ARHGEF10: variants seen among roughly 807,000 people sequenced by gnomAD.
The protein encoded by ARHGEF10 is Rho guanine nucleotide exchange factor 10.
In ARHGEF10, 140 loss-of-function variants were observed where a neutral mutation model predicts 147.4. The ratio of observed to expected loss-of-function variants is 0.95; its 90% CI spans 0.83 to 1.09. The LOEUF (loss-of-function observed/expected upper bound fraction) is 1.09, where lower values mean the gene tolerates loss of function less well. Among genes scored for constraint, ARHGEF10 ranks in the 50% least tolerant of loss-of-function variants. ARHGEF10 has a pLI of 0.00. For missense variants in ARHGEF10, 2,222 were observed against 1,752.7 expected, an observed-to-expected ratio of 1.27 and a Z score of -4.78; for synonymous variants, 902 against 695.8, an observed-to-expected ratio of 1.30 and a Z score of -4.67.
intron 26 of ARHGEF10, among the ~76,000 whole-genome samples, chr8:1,944,957 T>C (rs889960039): frequency 1.3e-5 from 2 of 152,246 alleles, no homozygotes; most frequent in Non-Finnish European, 2.9e-5. Context: ...GGATGCACTT[T>C]CGGAGCTGCG....
intron 7 of ARHGEF10, among the ~76,000 whole-genome samples, chr8:1,873,153 G>A (rs1340691324): frequency 6.6e-6 from 1 of 152,090 alleles, no homozygotes; most frequent in Non-Finnish European, 1.5e-5. Context: ...TAGCGGTGGT[G>A]GGGCAGGGAG....
chr8:1,915,360 C>G (rs919297332), intron 18 of ARHGEF10, among the ~76,000 whole-genome samples: 1 of 152,210 alleles, frequency 6.6e-6, no homozygotes, highest in Non-Finnish European at 1.5e-5. Context: ...ATGAGTTATT[C>G]TACTTTTCTA....
intron 13 of ARHGEF10, 112 bp downstream of exon 13, chr8:1,894,684 A>T (rs1479374260): frequency 8.0e-7 from 1 of 1,251,462 alleles, no homozygotes; most frequent in Non-Finnish European, 1.2e-6. Flanking sequence ...ACAAGTGTGC[A>T]GTTCTCTCTA....
chr8:1,945,357 G>T (rs1360567964), intron 26 of ARHGEF10, 124 bp from the exon 27 acceptor site: 2 of 1,210,158 alleles, frequency 1.7e-6, no homozygotes, highest in South Asian at 1.3e-5. Context: ...CTGTGATTTG[G>T]AGCAAAGCCT....
intron 12 of ARHGEF10, 91 bp from the exon 13 acceptor site, chr8:1,894,300 TGA>T (rs1365605350): frequency 3.0e-6 from 4 of 1,350,444 alleles, no homozygotes; most frequent in Non-Finnish European, 4.2e-6. Context: ...CAGTGAGCCA[TGA>T]TCGCACCACT....
At chr8:1,878,409 A>G (rs568855012) in intron 8 of ARHGEF10, among the ~76,000 whole-genome samples, 1 of 151,500 alleles carries the variant, frequency 6.6e-6, no homozygotes, top group Admixed American at 6.6e-5. Flanking sequence ...CTGGTCTCGA[A>G]CTCCTGACCT....
intron 7 of ARHGEF10, among the ~76,000 whole-genome samples, chr8:1,873,872 T>C (rs1277968489): frequency 6.6e-6 from 1 of 151,992 alleles, no homozygotes; most frequent in African/African-American, 2.4e-5. Flanking sequence ...TTCTTTTTTT[T>C]TTATTGTGTC....
intron 10 of ARHGEF10, among the ~76,000 whole-genome samples, chr8:1,884,689 C>T (rs1808505717): frequency 6.6e-6 from 1 of 152,164 alleles, no homozygotes; most frequent in South Asian, 2.1e-4. Context: ...TCTAAAAGTG[C>T]CTGTGCTTTT....
chr8:1,847,236 C>G (rs1225997363), intron 2 of ARHGEF10, among the ~76,000 whole-genome samples: 2 of 152,150 alleles, frequency 1.3e-5, no homozygotes, highest in African/African-American at 4.8e-5. Context: ...CCTAAGCAGC[C>G]TTCAATTTCT....
chr8:1,955,123 GAGGTGCACTCTCACTGTTCCTCTGGAGGA>G, intron 28 of ARHGEF10, among the ~76,000 whole-genome samples: 1 of 124,576 alleles, frequency 8.0e-6, no homozygotes, highest in Non-Finnish European at 1.6e-5. Context: ...TCCCTGAAAG[GAGGTGCACTCTCACTGTTCCTCTGGAGGA>G]TAGCCAGGTG....
chr8:1,864,259 G>T, intron 4 of ARHGEF10, 114 bp from the exon 5 acceptor site: 1 of 1,055,148 alleles, frequency 9.5e-7, no homozygotes, highest in Non-Finnish European at 1.5e-6. Flanking sequence ...CTTATGCTAA[G>T]ATAAGCCTCT....
At chr8:1,920,499 T>A (rs1415561398) in intron 18 of ARHGEF10, among the ~76,000 whole-genome samples, 4 of 78,828 alleles carry the variant, frequency 5.1e-5, no homozygotes, top group Non-Finnish European at 8.0e-5. Context: ...ATTTTTTTTT[T>A]AAACTCTATG....
chr8:1,855,963 T>C (rs1013618396), intron 2 of ARHGEF10, among the ~76,000 whole-genome samples: 1 of 152,082 alleles, frequency 6.6e-6, no homozygotes, highest in African/African-American at 2.4e-5. Context: ...TACGGTCGCT[T>C]GGGAGACAGT....
In ARHGEF10 at chr8:1,891,787, C is replaced by A. The variant is rs183221874; in HGVS notation, c.1183-1782C>A. ...ACCCCTTAGTGGGCATATAATTTGA[C>A]GTGTCAGATTGAGCTGCCAGAAAGA... On this transcript the variant is annotated intron_variant, in intron 11 of 28. Coordinates refer to ENST00000349830, the MANE Select transcript of ARHGEF10 (RefSeq NM_014629.4). 1.2e-4 allele frequency among the ~76,000 whole-genome samples: 19 copies of A among 152,160 alleles called. No individual in the cohort carries two copies. The South Asian group carries it at 4.0e-3, about 32-fold the overall frequency.
intron 1 of ARHGEF10, among the ~76,000 whole-genome samples, chr8:1,826,393 C>T (rs1042170480): frequency 4.7e-5 from 7 of 149,656 alleles, no homozygotes; most frequent in East Asian, 2.0e-4. Context: ...TTTGTGTGTG[C>T]GTGTGTTTGT....
At chr8:1,843,224 C>T in intron 1 of ARHGEF10, 129 bp from the exon 2 acceptor site, 1 of 694,484 alleles carries the variant, frequency 1.4e-6, no homozygotes, top group Non-Finnish European at 2.6e-6. Flanking sequence ...GGTGGTGAGT[C>T]TTCTAATTAT....
chr8:1,832,232 T>C lies in ARHGEF10; in HGVS notation c.-48+8119T>C, dbSNP rs1422471383. Reference sequence around the variant, plus strand: ...GAGCGTCCGTAGATGCCCGGAGGAGTTGCGGTGGGCGGGGGGCGCGTTGTG... The same window carrying C: ...GAGCGTCCGTAGATGCCCGGAGGAGCTGCGGTGGGCGGGGGGCGCGTTGTG... On this transcript the variant is annotated intron_variant, in intron 1 of 28. Transcript: ENST00000349830. Among the ~76,000 whole-genome samples, 5 of 45,952 alleles carry C rather than the reference T, an allele frequency of 1.1e-4. No individual in the cohort carries two copies. In the African/African-American group the frequency reaches 1.4e-3, roughly 13 times the overall value. The allele number at this position is 45,952 out of a possible 152,430, so 30.1% of individuals were successfully genotyped here.
rs1202275128 is a variant in ARHGEF10, at chr8:1,833,771, T to A, written c.-47-9582T>A. Among the ~76,000 whole-genome samples, 3 of 152,326 alleles carry A rather than the reference T, an allele frequency of 2.0e-5. No homozygotes were observed. The South Asian group carries it at 6.2e-4, about 32-fold the overall frequency. ...CAGATCCCGGCCCCACTGCCTTCTT[T>A]AGGAAGCCCTCCTGGCCGCTGACCC... On this transcript the variant is annotated intron_variant, in intron 1 of 28. Coordinates refer to ENST00000349830, the MANE Select transcript of ARHGEF10 (RefSeq NM_014629.4).
chr8:1,875,545 T>C (rs1038299909), intron 7 of ARHGEF10, among the ~76,000 whole-genome samples: 8 of 152,206 alleles, frequency 5.3e-5, no homozygotes, highest in African/African-American at 1.7e-4. Flanking sequence ...TCATTGTCCG[T>C]GGCACACAGA....
Sources: allele counts gnomAD v4.1 joint callset (sites outside exome capture counted in the v4.1 genomes callset), GRCh38; gene constraint gnomAD v4.1.1; transcripts MANE v1.5; gene names NCBI Gene and HGNC (gene_info 2026-07-23, HGNC 2026-07-21).